The following PRKG1 variants were observed in gnomAD, a reference collection of about 807,000 sequenced individuals.
PRKG1 encodes the protein protein kinase cGMP-dependent 1, also known as cGMP-dependent protein kinase 1.
In PRKG1, 35 loss-of-function variants were observed where a neutral mutation model predicts 88.1. That is an observed-to-expected ratio of 0.40 (90% CI 0.30 to 0.53). PRKG1 has a LOEUF of 0.53. Among genes scored for constraint, PRKG1 ranks in the 20% least tolerant of loss-of-function variants. The probability of loss-of-function intolerance (pLI) is 0.59; values close to 1 mark genes in which losing one functional copy is unlikely to be tolerated. For missense variants in PRKG1, 540 were observed against 839.8 expected (o/e 0.64, Z 4.41); for synonymous variants, 303 against 292.5 (o/e 1.04, Z -0.37).
At position 51,653,326 on chromosome 10, in the gene PRKG1, A is replaced by C. The variant is rs1840085526; in HGVS notation, c.593-151259A>C. ...TGGCTGTGCCAATCTACATTCCCAC[A>C]AACAGTGTACAAGGATTCCCTTTTC... On this transcript the variant is annotated intron_variant, in intron 3 of 17. Transcript: ENST00000373980. 2.0e-5 allele frequency among the ~76,000 whole-genome samples: 3 copies of C among 152,146 alleles called. No homozygotes were observed. The South Asian group carries it at 6.2e-4, about 32-fold the overall frequency.
chr10:51,595,524 A>G (rs147629261), intron 3 of PRKG1, among the ~76,000 whole-genome samples: 10,841 of 151,812 alleles, frequency 0.071, 1,263 homozygotes, highest in African/African-American at 0.25. Context: ...TAGCTACTTG[A>G]GAGGCTGAGG....
intron 2 of PRKG1, among the ~76,000 whole-genome samples, chr10:51,225,932 G>A (rs539078885): frequency 1.1e-4 from 17 of 152,092 alleles, no homozygotes; most frequent in African/African-American, 1.9e-4. Flanking sequence ...TGCTGGGCGC[G>A]ATGGCTCATG....
At chr10:51,246,419 T>C (rs1839291901) in intron 2 of PRKG1, among the ~76,000 whole-genome samples, 1 of 152,024 alleles carries the variant, frequency 6.6e-6, no homozygotes, top group Admixed American at 6.6e-5. Flanking sequence ...CCTCCTGTTT[T>C]TGTAAATGAA....
chr10:51,236,903 TAGAC>T (rs1473341735), intron 2 of PRKG1, among the ~76,000 whole-genome samples: 1 of 152,198 alleles, frequency 6.6e-6, no homozygotes, highest in African/African-American at 2.4e-5. Flanking sequence ...AAAGGGTAGT[TAGAC>T]AGTCTTTATC....
intron 3 of PRKG1, among the ~76,000 whole-genome samples, chr10:51,796,003 C>T (rs1335666974): frequency 1.3e-5 from 2 of 152,058 alleles, no homozygotes; most frequent in African/African-American, 4.8e-5. Context: ...GAAACATGTT[C>T]AGACACAACT....
chr10:51,339,060 A>G (rs887952403), intron 2 of PRKG1, among the ~76,000 whole-genome samples: 3 of 152,182 alleles, frequency 2.0e-5, no homozygotes, highest in African/African-American at 7.2e-5. Flanking sequence ...GTGAGAAGGG[A>G]ATTCCCATAA....
intron 4 of PRKG1, among the ~76,000 whole-genome samples, chr10:51,844,007 T>C (rs1840342028): frequency 6.6e-6 from 1 of 152,196 alleles, no homozygotes; most frequent in African/African-American, 2.4e-5. Context: ...ACTATATTCA[T>C]AGAATTTGCT....
chr10:51,825,266 A>T (rs1187607985), intron 4 of PRKG1, among the ~76,000 whole-genome samples: 1 of 152,182 alleles, frequency 6.6e-6, no homozygotes. Flanking sequence ...AAGTATTTTT[A>T]GATTTTAGAA....
intron 3 of PRKG1, among the ~76,000 whole-genome samples, chr10:51,615,994 G>T (rs1205469203): frequency 6.6e-6 from 1 of 152,136 alleles, no homozygotes; most frequent in Non-Finnish European, 1.5e-5. Flanking sequence ...TTTCCTGAAA[G>T]TTTTGTTTGA....
chr10:51,673,211 G>T (rs575163908), intron 3 of PRKG1, among the ~76,000 whole-genome samples: 15 of 152,254 alleles, frequency 9.9e-5, no homozygotes, highest in Non-Finnish European at 2.1e-4. Flanking sequence ...TCTGTTTGTG[G>T]TAATGCCAAC....
Position 51,219,435 on chromosome 10 carries a change from C to T in PRKG1, c.478+66105C>T, listed in dbSNP as rs776791969. On this transcript the variant is annotated intron_variant, in intron 2 of 17. Coordinates refer to ENST00000373980, the MANE Select transcript of PRKG1 (RefSeq NM_006258.4). ...TAGAAGTAAAGGAGGAGCGGCCGGG[C>T]GCAGTGGCTCACACCTGTAATCCCA... Among the ~76,000 whole-genome samples the T allele has an allele frequency of 8.1e-4, 123 of 152,032 alleles. 1 individual carries two copies. The highest frequency in any genetic ancestry group is 2.2e-3 in the Admixed American group (34 of 15,252).
chr10:52,292,792 A>G (rs1192633983), intron 17 of PRKG1, among the ~76,000 whole-genome samples: 2 of 151,976 alleles, frequency 1.3e-5, no homozygotes, highest in Non-Finnish European at 2.9e-5. Context: ...TGACAAACCC[A>G]CAGCCAATAT....
intron 5 of PRKG1, among the ~76,000 whole-genome samples, chr10:51,959,095 TG>T (rs1386681081): frequency 1.3e-5 from 2 of 152,156 alleles, no homozygotes; most frequent in African/African-American, 4.8e-5. Flanking sequence ...GTGGTAGAGC[TG>T]GAATTCAAAA....
At chr10:52,245,497 A>T (rs1384717981) in intron 9 of PRKG1, among the ~76,000 whole-genome samples, 1 of 152,152 alleles carries the variant, frequency 6.6e-6, no homozygotes, top group Non-Finnish European at 1.5e-5. Context: ...CTCTTGTAGC[A>T]TTTTAAAATC....
chr10:52,058,010 G>A lies in PRKG1; in HGVS notation c.840+3449G>A, dbSNP rs139065932. Among the ~76,000 whole-genome samples, 479 of 151,806 alleles carry A rather than the reference G, an allele frequency of 3.2e-3. 1 individual carries two copies. Among genetic ancestry groups the A allele is most frequent in the African/African-American group, 0.011 (451 of 41,432 alleles). On this transcript the variant is annotated intron_variant, in intron 6 of 17. Transcript: ENST00000373980. The stretch of plus-strand genomic sequence containing the variant: ...AATAATATTTGGAAATAAAGAAACA[G>A]TAATTATTTATACATGATATGTTTT...
At chr10:51,532,700 G>A (rs1589051591) in intron 3 of PRKG1, among the ~76,000 whole-genome samples, 1 of 152,114 alleles carries the variant, frequency 6.6e-6, no homozygotes, top group East Asian at 1.9e-4. Flanking sequence ...TATTTCTGTG[G>A]TTGCTATAAC....
At chr10:51,292,473 T>G (rs1173434161) in intron 2 of PRKG1, among the ~76,000 whole-genome samples, 1 of 152,184 alleles carries the variant, frequency 6.6e-6, no homozygotes, top group African/African-American at 2.4e-5. Context: ...AACAGAACTA[T>G]TCACCTCATT....
At chr10:51,407,979 G>C (rs1837969892) in intron 2 of PRKG1, among the ~76,000 whole-genome samples, 1 of 146,928 alleles carries the variant, frequency 6.8e-6, no homozygotes. Flanking sequence ...ATGTCTCCTG[G>C]TGGCAGCTTT....
At chr10:51,633,418 A>G (rs570380315) in intron 3 of PRKG1, among the ~76,000 whole-genome samples, 23 of 152,268 alleles carry the variant, frequency 1.5e-4, no homozygotes, top group Admixed American at 6.5e-4. Flanking sequence ...AGCATTGCAA[A>G]CTCAAAAGCA....
Sources: gnomAD v4.1 joint callset for allele counts (sites outside exome capture counted in the v4.1 genomes callset) on GRCh38, gnomAD v4.1.1 for gene constraint, MANE v1.5 for transcripts, NCBI Gene and HGNC (gene_info 2026-07-23, HGNC 2026-07-21) for gene names.